The following ADGRL3 variants were observed in gnomAD, a reference collection of about 807,000 sequenced individuals.
ADGRL3 encodes the protein adhesion G protein-coupled receptor L3, also known as calcium-independent alpha-latrotoxin receptor 3.
A neutral mutation model predicts 153.5 loss-of-function variants in ADGRL3; 62 were observed. The ratio of observed to expected loss-of-function variants is 0.40; its 90% CI spans 0.33 to 0.50. The LOEUF (loss-of-function observed/expected upper bound fraction) is 0.50, where lower values mean the gene tolerates loss of function less well. Ranked by LOEUF, ADGRL3 falls within the 20% of genes least tolerant of loss-of-function variation. The probability of loss-of-function intolerance (pLI) is 0.47; values close to 1 mark genes in which losing one functional copy is unlikely to be tolerated. For synonymous variants in ADGRL3, 710 were observed against 672.5 expected, an observed-to-expected ratio of 1.06 and a Z score of -0.86; for missense variants, 1,641 against 1,859.4, an observed-to-expected ratio of 0.88 and a Z score of 2.16.
chr4:61,869,568 G>A (rs1330669472), intron 9 of ADGRL3, among the ~76,000 whole-genome samples: 5 of 151,868 alleles, frequency 3.3e-5, no homozygotes, highest in African/African-American at 9.7e-5. Flanking sequence ...ACTGCAGTCC[G>A]CAGTCTGGCC....
chr4:61,748,861 G>A (rs982928005), intron 8 of ADGRL3, among the ~76,000 whole-genome samples: 5 of 151,396 alleles, frequency 3.3e-5, no homozygotes, highest in African/African-American at 4.9e-5. Context: ...TTGACAAATG[G>A]GATCTAATTA....
At chr4:61,508,178 C>T (rs1051594079) in intron 3 of ADGRL3, among the ~76,000 whole-genome samples, 1 of 152,058 alleles carries the variant, frequency 6.6e-6, no homozygotes, top group East Asian at 1.9e-4. Context: ...TCTCTACTTA[C>T]TCATTTTCAG....
At chr4:61,386,880 G>T (rs924899996) in intron 2 of ADGRL3, among the ~76,000 whole-genome samples, 1 of 152,076 alleles carries the variant, frequency 6.6e-6, no homozygotes, top group African/African-American at 2.4e-5. Context: ...TTAAAGGCTG[G>T]TTTATTGATA....
intron 8 of ADGRL3, among the ~76,000 whole-genome samples, chr4:61,799,317 G>C (rs114978086): frequency 1.3e-5 from 2 of 152,018 alleles, no homozygotes; most frequent in Non-Finnish European, 2.9e-5. Flanking sequence ...TTCTGTAAAA[G>C]ACCAGATAGT....
At position 61,202,668 on chromosome 4, in the gene ADGRL3, G is replaced by C. The variant is rs1735298573; in HGVS notation, c.-240+903G>C. Among the ~76,000 whole-genome samples, 1 of 152,154 alleles carries C rather than the reference G, an allele frequency of 6.6e-6. No homozygotes were observed. Among genetic ancestry groups the C allele is most frequent in the South Asian group, 2.1e-4 (1 of 4,834 alleles). ...GGCTCCAGGCTGCAGCGCAGCGTCT[G>C]AGCTGCCGCGACCCAGCCTCCGGTC... On this transcript the variant is annotated intron_variant, in intron 1 of 26. Transcript: ENST00000683033. This position sits in a 1 kb window ranked among gnomAD's most constrained non-coding sequence, Gnocchi z 5.0.
chr4:61,205,853 G>A (rs1191373197), intron 1 of ADGRL3, among the ~76,000 whole-genome samples: 2 of 152,084 alleles, frequency 1.3e-5, no homozygotes, highest in Non-Finnish European at 2.9e-5. Flanking sequence ...TAGCATTTAT[G>A]CATCTAAGGT....
intron 21 of ADGRL3, among the ~76,000 whole-genome samples, chr4:62,022,268 T>C (rs906438598): frequency 4.6e-5 from 7 of 152,182 alleles, no homozygotes; most frequent in Non-Finnish European, 8.8e-5. Flanking sequence ...TTCAGTTCTA[T>C]GAAGGCTGAG....
intron 11 of ADGRL3, among the ~76,000 whole-genome samples, chr4:61,903,795 C>T (rs1249148534): frequency 2.0e-5 from 3 of 150,068 alleles, no homozygotes; most frequent in Non-Finnish European, 4.4e-5. Context: ...TCATTAAAGA[C>T]AAGGTCTTAC....
chr4:61,797,445 T>A (rs2097428473), intron 8 of ADGRL3, among the ~76,000 whole-genome samples: 1 of 152,168 alleles, frequency 6.6e-6, no homozygotes, highest in South Asian at 2.1e-4. Context: ...TAAAGCATAA[T>A]TTAAACTGAG....
chr4:61,217,059 C>T (rs1319118034), intron 1 of ADGRL3, among the ~76,000 whole-genome samples: 1 of 152,172 alleles, frequency 6.6e-6, no homozygotes. Context: ...TTATAATTCA[C>T]TATTTATTTG....
intron 9 of ADGRL3, among the ~76,000 whole-genome samples, chr4:61,835,961 A>G (rs2097928550): frequency 6.6e-6 from 1 of 152,174 alleles, no homozygotes; most frequent in Non-Finnish European, 1.5e-5. Flanking sequence ...TAATCATGAA[A>G]TGAACCTCAA....
intron 6 of ADGRL3, among the ~76,000 whole-genome samples, chr4:61,715,523 T>C (rs2096090650): frequency 6.6e-6 from 1 of 152,166 alleles, no homozygotes; most frequent in Non-Finnish European, 1.5e-5. Context: ...AGTATTAATA[T>C]ATGTTCAAGA....
intron 1 of ADGRL3, among the ~76,000 whole-genome samples, chr4:61,308,997 T>A (rs143701692): frequency 0.015 from 2,249 of 152,266 alleles, 12 homozygotes; most frequent in Non-Finnish European, 0.025. Flanking sequence ...TTTGGCAAGT[T>A]CTTCAATTAT....
intron 5 of ADGRL3, among the ~76,000 whole-genome samples, chr4:61,607,946 G>A (rs1376891242): frequency 6.6e-6 from 1 of 152,152 alleles, no homozygotes; most frequent in East Asian, 1.9e-4. Context: ...CAGTCTGTGA[G>A]GCTAGAAGCA....
At chr4:61,773,504 T>C (rs2097109621) in intron 8 of ADGRL3, among the ~76,000 whole-genome samples, 1 of 152,172 alleles carries the variant, frequency 6.6e-6, no homozygotes, top group Non-Finnish European at 1.5e-5. Context: ...AAAGAAGCCC[T>C]CACTTTTCCG....
At chr4:61,230,170 T>A (rs1749962692) in intron 1 of ADGRL3, among the ~76,000 whole-genome samples, 1 of 152,094 alleles carries the variant, frequency 6.6e-6, no homozygotes, top group Admixed American at 6.5e-5. Context: ...TTTTCTTGCT[T>A]AGTGATGGTA....
chr4:61,763,828 A>G (rs1304444420), intron 8 of ADGRL3, among the ~76,000 whole-genome samples: 2 of 152,154 alleles, frequency 1.3e-5, no homozygotes, highest in African/African-American at 4.8e-5. Context: ...TTAGGCAGAC[A>G]TAGTATAATA....
rs1231223776 is a variant in ADGRL3 at position 62,074,406 on chromosome 4, T to A, written c.*3498T>A. ...CAGGGACACTAGCTAATGGACCTCATGTTTAGTTAATTCTGAAACTGATGG... is the reference window on the plus strand; with the variant it reads ...CAGGGACACTAGCTAATGGACCTCAAGTTTAGTTAATTCTGAAACTGATGG... On this transcript the variant is annotated 3_prime_UTR_variant, in exon 27 of 27. Transcript: ENST00000683033. The A allele has an allele frequency of 6.6e-6, 1 of 152,174 alleles. No individual in the cohort carries two copies. The highest frequency in any genetic ancestry group is 1.9e-4 in the East Asian group (1 of 5,190). 9.4% of individuals were successfully genotyped at this position (152,174 alleles called of 1,614,324 possible).
intron 4 of ADGRL3, among the ~76,000 whole-genome samples, chr4:61,562,854 A>G (rs566060140): frequency 2.6e-5 from 4 of 151,022 alleles, no homozygotes. Flanking sequence ...TAAATCCTCA[A>G]TCCTTGCTTG....
Sources: allele counts gnomAD v4.1 joint callset (sites outside exome capture counted in the v4.1 genomes callset), GRCh38; gene constraint gnomAD v4.1.1; non-coding constraint Gnocchi (gnomAD v3.1); transcripts MANE v1.5; gene names NCBI Gene and HGNC (gene_info 2026-07-23, HGNC 2026-07-21).